The following APP variants were observed in gnomAD, a reference collection of about 807,000 sequenced individuals.
The protein encoded by APP is amyloid-beta precursor protein.
APP carries 31 observed loss-of-function variants against 101.4 expected under a neutral mutation model. The ratio of observed to expected loss-of-function variants is 0.31; its 90% CI spans 0.23 to 0.41. APP has a LOEUF of 0.41. Ranked by LOEUF, APP falls within the 10% of genes least tolerant of loss-of-function variation. APP has a pLI of 1.00. For synonymous variants in APP, 366 were observed against 364.4 expected (o/e 1.00, Z -0.05); for missense variants, 839 against 1,003.7 (o/e 0.84, Z 2.22).
intron 8 of APP, among the ~76,000 whole-genome samples, chr21:25,996,750 G>A (rs893582198): frequency 3.3e-5 from 5 of 152,178 alleles, no homozygotes; most frequent in Non-Finnish European, 7.3e-5. Context: ...CCGATTGTGC[G>A]GGATGCGCCA....
chr21:26,152,997 T>C (rs887760997), intron 1 of APP, among the ~76,000 whole-genome samples: 8 of 152,190 alleles, frequency 5.3e-5, no homozygotes, highest in African/African-American at 1.9e-4. Flanking sequence ...TTGCAACAAC[T>C]TGGATAGAGC....
intron 3 of APP, among the ~76,000 whole-genome samples, chr21:26,079,647 A>C (rs1330297744): frequency 6.6e-6 from 1 of 152,256 alleles, no homozygotes; most frequent in Admixed American, 6.5e-5. Context: ...GGAAGTCCTG[A>C]AAACTTGAGC....
intron 17 of APP, among the ~76,000 whole-genome samples, 163 bp from the exon 18 acceptor site, chr21:25,881,934 TTTG>T (rs1568998767): frequency 6.6e-6 from 1 of 152,168 alleles, no homozygotes; most frequent in African/African-American, 2.4e-5. Context: ...GCAGAACGCC[TTTG>T]CCCACCAGTT....
At chr21:26,065,439 A>G (rs1302878372) in intron 3 of APP, among the ~76,000 whole-genome samples, 2 of 152,240 alleles carry the variant, frequency 1.3e-5, no homozygotes, top group Non-Finnish European at 2.9e-5. Flanking sequence ...TTAGAAAAAA[A>G]TATAAGTAAT....
intron 8 of APP, among the ~76,000 whole-genome samples, chr21:25,991,389 C>T (rs1418670390): frequency 6.6e-6 from 1 of 151,534 alleles, no homozygotes; most frequent in African/African-American, 2.4e-5. Context: ...CTTTTTTTTC[C>T]CCCTTGAGAT....
intron 3 of APP, among the ~76,000 whole-genome samples, chr21:26,074,538 G>A (rs953816475): frequency 6.6e-6 from 1 of 152,184 alleles, no homozygotes; most frequent in African/African-American, 2.4e-5. Flanking sequence ...ATCTGTTGAG[G>A]TCAGGAGATC....
At chr21:25,925,556 C>A (rs1254610568) in intron 13 of APP, among the ~76,000 whole-genome samples, 2 of 152,166 alleles carry the variant, frequency 1.3e-5, no homozygotes, top group East Asian at 3.8e-4. Flanking sequence ...CTGAGAAGAC[C>A]TACCCTCCAC....
chr21:25,901,911 C>T (rs2038516436), intron 15 of APP, among the ~76,000 whole-genome samples: 2 of 152,092 alleles, frequency 1.3e-5, no homozygotes, highest in Admixed American at 1.3e-4. Flanking sequence ...TAGCTTTCTA[C>T]CCTATGTGAA....
chr21:25,971,829 T>C (rs2042043900), intron 11 of APP, among the ~76,000 whole-genome samples: 1 of 152,204 alleles, frequency 6.6e-6, no homozygotes, highest in South Asian at 2.1e-4. Context: ...TAACTAGTCC[T>C]AGGCTGATAA....
intron 1 of APP, among the ~76,000 whole-genome samples, chr21:26,166,927 G>GGGGT (rs375221809): frequency 3.4e-5 from 5 of 148,534 alleles, no homozygotes; most frequent in African/African-American, 5.0e-5. Flanking sequence ...AGAGACAGAG[G>GGGGT]GTGTGTGTGT....
chr21:26,111,516 C>T (rs1601490639), intron 2 of APP, among the ~76,000 whole-genome samples: 1 of 152,004 alleles, frequency 6.6e-6, no homozygotes, highest in South Asian at 2.1e-4. Context: ...GCCAGAGGAT[C>T]GCTTGAGCCC....
chr21:26,112,848 A>G (rs1206753475), intron 1 of APP, among the ~76,000 whole-genome samples: 1 of 152,190 alleles, frequency 6.6e-6, no homozygotes, highest in Non-Finnish European at 1.5e-5. Flanking sequence ...GGAGCTCTAC[A>G]TAGTGCCTGC....
chr21:25,928,095 AG>A (rs1028381499), intron 13 of APP, among the ~76,000 whole-genome samples: 1 of 152,170 alleles, frequency 6.6e-6, no homozygotes, highest in Non-Finnish European at 1.5e-5. Context: ...CTGTAATCCC[AG>A]CATTTTGGGA....
intron 6 of APP, among the ~76,000 whole-genome samples, chr21:26,015,669 A>C (rs2830005): frequency 0.19 from 28,773 of 152,066 alleles, 3,023 homozygotes; most frequent in South Asian, 0.3. Flanking sequence ...CTCAAACACT[A>C]TACTAGTCTA....
At chr21:25,938,640 C>G (rs2040449907) in intron 13 of APP, among the ~76,000 whole-genome samples, 1 of 152,136 alleles carries the variant, frequency 6.6e-6, no homozygotes, top group African/African-American at 2.4e-5. Flanking sequence ...TAGAATTCCT[C>G]TAAATTACTG....
At chr21:25,889,492 G>A (rs892870312) in intron 17 of APP, among the ~76,000 whole-genome samples, 2 of 152,208 alleles carry the variant, frequency 1.3e-5, no homozygotes, top group Non-Finnish European at 2.9e-5. Flanking sequence ...CATCAAAGAA[G>A]GCAACTTCAA....
chr21:25,973,008 A>G (rs1045478602), intron 11 of APP, among the ~76,000 whole-genome samples: 1 of 152,192 alleles, frequency 6.6e-6, no homozygotes, highest in Admixed American at 6.5e-5. Flanking sequence ...ACAAGTTTAG[A>G]ATGTTTTCTA....
At chr21:26,008,104 CG>C (rs1421587501) in intron 6 of APP, among the ~76,000 whole-genome samples, 1 of 152,166 alleles carries the variant, frequency 6.6e-6, no homozygotes, top group Non-Finnish European at 1.5e-5. Flanking sequence ...AGAAGATATC[CG>C]CAGTTGGCTA....
intron 15 of APP, among the ~76,000 whole-genome samples, chr21:25,900,416 AGGTGTGGTGGCG>A (rs2038376543): frequency 7.1e-6 from 1 of 140,410 alleles, no homozygotes; most frequent in Non-Finnish European, 1.5e-5. Context: ...AAAATTAGCC[AGGTGTGGTGGCG>A]GGTGCCTGTA....
Sources: gnomAD v4.1 joint callset for allele counts (sites outside exome capture counted in the v4.1 genomes callset) on GRCh38, gnomAD v4.1.1 for gene constraint, MANE v1.5 for transcripts, NCBI Gene and HGNC (gene_info 2026-07-23, HGNC 2026-07-21) for gene names.